TLN1: variants seen among roughly 807,000 people sequenced by gnomAD.
The protein encoded by TLN1 is talin 1, also known as talin-1.
A neutral mutation model predicts 292.3 loss-of-function variants in TLN1; 56 were observed. That is an observed-to-expected ratio of 0.19 (90% CI 0.15 to 0.24). The LOEUF is 0.24. Ranked by LOEUF, TLN1 falls within the 10% of genes least tolerant of loss-of-function variation. TLN1 has a pLI of 1.00. For missense variants in TLN1, 2,433 were observed against 3,248.2 expected, an observed-to-expected ratio of 0.75 and a Z score of 6.10; for synonymous variants, 1,119 against 1,253.7, an observed-to-expected ratio of 0.89 and a Z score of 2.27.
Position 35,714,814 on chromosome 9 carries a change from G to A in TLN1, c.2817C>T (p.Ala939=). 1.3e-6 allele frequency: 2 copies of A among 1,577,282 alleles called. No homozygotes were observed. The highest frequency in any genetic ancestry group is 8.6e-7 in the Non-Finnish European group (1 of 1,161,862). Residue 939 remains alanine, a synonymous_variant, in exon 22 of 57, where the codon GCC becomes GCT. Coordinates refer to ENST00000314888, the MANE Select transcript of TLN1 (RefSeq NM_006289.4). This position sits in a 1 kb window ranked among gnomAD's most constrained non-coding sequence, Gnocchi z 4.6. ...GGCCGGCAGAGGCCTTGGGGGTAGA[G>A]GCTGCGTGCTGAGCTGCAGCGATGG... The part of the protein sequence containing the change: ...TQTIAAAQHA[A]STPKASAGPQ...
At position 35,708,456 on chromosome 9, in the gene TLN1, G is replaced by A. The variant is rs199732295; in HGVS notation, c.4355C>T (p.Pro1452Leu). 6.3e-7 allele frequency: 1 copy of A among 1,597,578 alleles called. No homozygotes were observed. Residue 1452 changes from proline to leucine, a missense_variant, in exon 34 of 57, where the codon CCC becomes CTC. By Grantham distance (98) the Pro-to-Leu change is moderately conservative. Coordinates refer to ENST00000314888, the MANE Select transcript of TLN1 (RefSeq NM_006289.4). ...CCCTTGCTGTCCAGCTTGGCTATTG[G>A]GGTCAGAGACACCAACCAGATATGC... ...QAAYLVGVSD[P>L]NSQAGQQGLV...
rs529885482 is a variant in TLN1, at chr9:35,699,980, T to G, written c.6762A>C (p.Val2254=). 32 of 1,611,610 alleles carry G rather than the reference T, an allele frequency of 2.0e-5. 1 individual carries two copies. The South Asian group carries it at 3.4e-4, about 17-fold the overall frequency. The change falls in exon 50 of 57, where the codon GTA becomes GTC. Residue 2254 remains valine (V), a synonymous_variant. Coordinates refer to ENST00000314888, the MANE Select transcript of TLN1 (RefSeq NM_006289.4). The surrounding 1 kb of genome is among the most constrained non-coding windows in gnomAD (Gnocchi z 4.0). ...AAGCAACGCCCTCCCTTACCAGCAGTACATGGTCCAGCAGTTCCAGGTAGC... is the reference window on the plus strand; with the variant it reads ...AAGCAACGCCCTCCCTTACCAGCAGGACATGGTCCAGCAGTTCCAGGTAGC... The part of the protein sequence containing the change: ...ANGYLELLDH[V]LLTLQKPSPE...
At chr9:35,722,775 G>T in intron 8 of TLN1, 86 bp downstream of exon 8, 1 of 1,384,106 alleles carries the variant, frequency 7.2e-7, no homozygotes, top group Non-Finnish European at 1.0e-6. Context: ...GGGGAGACGG[G>T]GAGGAGGCAG....
intron 2 of TLN1, 43 bp from the exon 3 acceptor site, chr9:35,725,364 A>T (rs184137897): frequency 6.3e-7 from 1 of 1,596,576 alleles, no homozygotes. Context: ...GAAGACCCCA[A>T]TGTGGCTGAA....
At chr9:35,710,935 C>A (rs776879814) in intron 31 of TLN1, 49 bp from the exon 32 acceptor site, 1 of 1,613,854 alleles carries the variant, frequency 6.2e-7, no homozygotes, top group Admixed American at 1.7e-5. Flanking sequence ...CCCTCAGGCC[C>A]AAAACCAGAA....
Position 35,706,416 on chromosome 9 carries a change from C to G in TLN1, c.5190+34G>C. On this transcript the variant is annotated intron_variant, in intron 39 of 56. Coordinates refer to ENST00000314888, the MANE Select transcript of TLN1 (RefSeq NM_006289.4). This position sits in a 1 kb window ranked among gnomAD's most constrained non-coding sequence, Gnocchi z 4.2. ...GTCAGGTCCCCTCTCTCTCACCCTA[C>G]TCCCTGGGACTTCCCATGAGTCTCC... The G allele has an allele frequency of 1.2e-6, 2 of 1,613,800 alleles. No homozygotes were observed. The highest frequency in any genetic ancestry group is 1.7e-6 in the Non-Finnish European group (2 of 1,179,804).
intron 27 of TLN1, 73 bp downstream of exon 27, chr9:35,712,762 C>T (rs1825698131): frequency 1.5e-6 from 2 of 1,371,880 alleles, no homozygotes; most frequent in African/African-American, 2.9e-5. Flanking sequence ...GGCTCAGAAG[C>T]TTTGGCCTCA....
chr9:35,708,278 T>C, intron 34 of TLN1, 63 bp downstream of exon 34: 2 of 1,506,196 alleles, frequency 1.3e-6, no homozygotes, highest in East Asian at 2.4e-5. Context: ...CACCTCCCTC[T>C]ACTCCACGGG....
In TLN1 at chr9:35,719,458, G is replaced by C; in HGVS notation, c.1687+61C>G. 9 of 1,469,886 alleles carry C rather than the reference G, an allele frequency of 6.1e-6. No individual in the cohort carries two copies. The highest frequency in any genetic ancestry group is 8.6e-6 in the Non-Finnish European group (9 of 1,049,906). 91.1% of individuals were successfully genotyped at this position (1,469,886 alleles called of 1,614,324 possible). ...CACACATGAAGCCAGTCACATGCAT[G>C]CCTGTGCACACTTGCACCCCCTCTC... On this transcript the variant is annotated intron_variant, in intron 15 of 56. Transcript: ENST00000314888. The surrounding 1 kb of genome is among the most constrained non-coding windows in gnomAD (Gnocchi z 4.6).
chr9:35,726,686 T>C (rs976006345), intron 1 of TLN1, among the ~76,000 whole-genome samples: 5 of 152,214 alleles, frequency 3.3e-5, no homozygotes, highest in African/African-American at 1.2e-4. Flanking sequence ...TGCGGGGGCC[T>C]TCTGAAGGAG....
rs201410003 is a variant in TLN1 at position 35,725,613 on chromosome 9, C to T, written c.82G>A (p.Ala28Thr). The T allele has an allele frequency of 2.5e-6, 4 of 1,610,826 alleles. No individual in the cohort carries two copies. The highest frequency in any genetic ancestry group is 3.4e-6 in the Non-Finnish European group (4 of 1,179,502). The change falls in exon 2 of 57, where the codon GCC becomes ACC. Residue 28 changes from alanine (A) to threonine (T), a missense_variant. By Grantham distance (58) the Ala-to-Thr change is moderately conservative. Coordinates refer to ENST00000314888, the MANE Select transcript of TLN1 (RefSeq NM_006289.4). The stretch of plus-strand genomic sequence containing the variant: ...ATCCGCTCACGAATGATGCGGCAGG[C>T]GTCGTACACCATGGTAGACGGCTCA... Reference protein sequence around the residue: ...QFEPSTMVYDACRIIRERIPE... With the variant: ...QFEPSTMVYDTCRIIRERIPE...
rs147703488 is a variant in TLN1, at chr9:35,724,371, A to AT, written c.512-38dup. ...ACAGTCCCCTCAGTGCCAAACCCCC[A>AT]TGGCCCCTGTGCTGTCTGGTCTCTG... On this transcript the variant is annotated intron_variant, in intron 5 of 56. Coordinates refer to ENST00000314888, the MANE Select transcript of TLN1 (RefSeq NM_006289.4). This position sits in a 1 kb window ranked among gnomAD's most constrained non-coding sequence, Gnocchi z 4.7. The AT allele has an allele frequency of 5.8e-5, 93 of 1,612,366 alleles. No homozygotes were observed. In the African/African-American group the frequency reaches 1.2e-3, roughly 21 times the overall value.
In TLN1 at chr9:35,722,130, A is replaced by G. The variant is rs370968659; in HGVS notation, c.937T>C (p.Phe313Leu). Reference protein sequence around the residue: ...RSLKTYGVSFFLVKEKMKGKN... With the variant: ...RSLKTYGVSFLLVKEKMKGKN... ...GGCCCATAACCTACCTTCACCAGGA[A>G]GAAGGAGACACCGTAAGTCTTGAGA... Residue 313 changes from phenylalanine (F) to leucine (L), a missense_variant, in exon 9 of 57, where the codon TTC becomes CTC. Coordinates refer to ENST00000314888, the MANE Select transcript of TLN1 (RefSeq NM_006289.4). 4 of 1,613,924 alleles carry G rather than the reference A, an allele frequency of 2.5e-6. No individual in the cohort carries two copies. Among genetic ancestry groups the G allele is most frequent in the East Asian group, 2.2e-5 (1 of 44,878 alleles).
chr9:35,718,788 T>C (rs1825829955), intron 17 of TLN1, 24 bp downstream of exon 17: 1 of 1,602,824 alleles, frequency 6.2e-7, no homozygotes, highest in Non-Finnish European at 8.5e-7. Context: ...TCTGGGGTTC[T>C]GGGGGGTTGG....
chr9:35,720,526 G>A lies in TLN1; in HGVS notation c.1207-17C>T, dbSNP rs762826891. On this transcript the variant is annotated splice_polypyrimidine_tract_variant and intron_variant, in intron 11 of 56. Transcript: ENST00000314888. Reference sequence around the variant, plus strand: ...GCTTTTTTTCTGTAGGAAGGAAAAAGGAACAAGAGTTGGGATAGTTAAAGA... The same window carrying A: ...GCTTTTTTTCTGTAGGAAGGAAAAAAGAACAAGAGTTGGGATAGTTAAAGA... 7 of 1,613,066 alleles carry A rather than the reference G, an allele frequency of 4.3e-6. No homozygotes were observed. The highest frequency in any genetic ancestry group is 5.9e-6 in the Non-Finnish European group (7 of 1,179,300).
chr9:35,722,114 C>T lies in TLN1; in HGVS notation c.948+5G>A. The T allele has an allele frequency of 6.2e-7, 1 of 1,613,338 alleles. No individual in the cohort carries two copies. The highest frequency in any genetic ancestry group is 1.1e-5 in the South Asian group (1 of 91,060). On this transcript the variant is annotated splice_donor_5th_base_variant and intron_variant, in intron 9 of 56. Transcript: ENST00000314888. ...GGAGGGCAGTGAAAAGGGCCCATAA[C>T]CTACCTTCACCAGGAAGAAGGAGAC...
chr9:35,704,574 T>C lies in TLN1; in HGVS notation c.5881-76A>G. On this transcript the variant is annotated intron_variant, in intron 44 of 56. Transcript: ENST00000314888. This position sits in a 1 kb window ranked among gnomAD's most constrained non-coding sequence, Gnocchi z 6.9. ...AAAGGTTGCCCATGCCTGGGAGAAG[T>C]GACAACAGGAGAGGGCTGAGAGGGC... 1 of 1,585,858 alleles carries C rather than the reference T, an allele frequency of 6.3e-7. No individual in the cohort carries two copies. The highest frequency in any genetic ancestry group is 8.6e-7 in the Non-Finnish European group (1 of 1,164,278).
chr9:35,724,728 AG>A lies in TLN1; in HGVS notation c.359-5del, dbSNP rs891361904. On this transcript the variant is annotated splice_region_variant and splice_polypyrimidine_tract_variant and intron_variant, in intron 4 of 56. Coordinates refer to ENST00000314888, the MANE Select transcript of TLN1 (RefSeq NM_006289.4). The surrounding 1 kb of genome is among the most constrained non-coding windows in gnomAD (Gnocchi z 4.7). ...TATTCATCATGATTGGTGATGCCTG[AG>A]GAAGGAGATGGCTTGTTAGCTTCCC... 1.2e-6 allele frequency: 2 copies of A among 1,613,954 alleles called. No individual in the cohort carries two copies. Among genetic ancestry groups the A allele is most frequent in the African/African-American group, 2.7e-5 (2 of 74,886 alleles).
Position 35,697,569 on chromosome 9 carries a change from G to C in TLN1, c.*222C>G. 1.6e-6 allele frequency: 1 copy of C among 609,686 alleles called. No individual in the cohort carries two copies. The allele number at this position is 609,686 out of a possible 1,614,324, so 37.8% of individuals were successfully genotyped here. ...ATACTCTTGGAGCGTTAATACTCTG[G>C]GGAGGGGCAGGCACTTGGGGGGCCC... On this transcript the variant is annotated 3_prime_UTR_variant, in exon 57 of 57. Coordinates refer to ENST00000314888, the MANE Select transcript of TLN1 (RefSeq NM_006289.4).
Sources: allele counts gnomAD v4.1 joint callset (sites outside exome capture counted in the v4.1 genomes callset), GRCh38; gene constraint gnomAD v4.1.1; non-coding constraint Gnocchi (gnomAD v3.1); transcripts MANE v1.5; gene names NCBI Gene and HGNC (gene_info 2026-07-23, HGNC 2026-07-21).